NLRP13: variants seen among roughly 807,000 people sequenced by gnomAD.
NLRP13 encodes NLR family pyrin domain containing 13, also known as NACHT, LRR and PYD domains-containing protein 13.
Under a neutral mutation model 94.4 loss-of-function variants are expected in NLRP13, and 82 were observed. The ratio of observed to expected loss-of-function variants is 0.87; its 90% CI spans 0.73 to 1.04. The LOEUF (loss-of-function observed/expected upper bound fraction) is 1.04. Ranked by LOEUF, NLRP13 falls within the 50% of genes least tolerant of loss-of-function variation. The probability of loss-of-function intolerance (pLI) is 0.00; values close to 1 mark genes in which losing one functional copy is unlikely to be tolerated. For missense variants in NLRP13, 1,426 were observed against 1,230.8 expected (o/e 1.16, Z -2.37); for synonymous variants, 553 against 464.7 (o/e 1.19, Z -2.45).
chr19:55,899,704 C>T (rs1006085030), intron 9 of NLRP13, among the ~76,000 whole-genome samples: 10 of 152,014 alleles, frequency 6.6e-5, no homozygotes, highest in East Asian at 1.9e-4. Flanking sequence ...AGCTTAAACC[C>T]GGGAGGTGGA....
chr19:55,912,781 G>A lies in NLRP13; in HGVS notation c.1036C>T (p.His346Tyr). ...ACCAATTCTTTCTTCAACAAGCTGT[G>A]TAGGATTTTGGTCACTGGGAGCTCC... ...YQELPVTKIL[H>Y]SLLKKELVPL... is the part of the protein sequence containing the mutation. The change falls in exon 5 of 11, where the codon CAC (histidine) becomes TAC (tyrosine). Residue 346 changes from histidine (H) to tyrosine (Y), a missense_variant. By Grantham distance (83) the His-to-Tyr change is moderately conservative. Transcript: ENST00000342929. The A allele has an allele frequency of 6.2e-7, 1 of 1,614,172 alleles. No individual in the cohort carries two copies. Among genetic ancestry groups the A allele is most frequent in the Non-Finnish European group, 8.5e-7 (1 of 1,180,034 alleles).
chr19:55,919,671 C>T lies in NLRP13; in HGVS notation c.523+4243G>A, dbSNP rs182663558. On this transcript the variant is annotated intron_variant, in intron 4 of 10. Transcript: ENST00000342929. ...CAACCAAAGAGGTGAAAGATCTCCA[C>T]AAGGAAAACTACAAAAAGCTTAAGA... 2.2e-3 allele frequency among the ~76,000 whole-genome samples: 336 copies of T among 151,742 alleles called. 2 individuals carry two copies. Among genetic ancestry groups the T allele is most frequent in the African/African-American group, 7.4e-3 (307 of 41,446 alleles).
intron 6 of NLRP13, 127 bp downstream of exon 6, chr19:55,910,436 C>G: frequency 1.2e-6 from 1 of 855,958 alleles, no homozygotes; most frequent in Non-Finnish European, 1.7e-6. Flanking sequence ...AATACAAGCA[C>G]AGTTTATTTT....
intron 8 of NLRP13, among the ~76,000 whole-genome samples, chr19:55,902,560 C>G (rs183211635): frequency 6.6e-6 from 1 of 152,112 alleles, no homozygotes; most frequent in East Asian, 1.9e-4. Context: ...AACAAGCTCC[C>G]GCACTCCTTT....
downstream of NLRP13, among the ~76,000 whole-genome samples, chr19:55,894,043 C>T (rs886252022): frequency 2.7e-5 from 3 of 112,928 alleles, no homozygotes; most frequent in African/African-American, 7.1e-5. Flanking sequence ...CATGCCCCAA[C>T]TTTTTTTTTT....
At chr19:55,897,131 G>T (rs1386006665) in intron 10 of NLRP13, among the ~76,000 whole-genome samples, 1 of 151,952 alleles carries the variant, frequency 6.6e-6, no homozygotes, top group East Asian at 1.9e-4. Context: ...TTGAACATAG[G>T]GTTGGCTAGC....
chr19:55,932,087 G>A lies in NLRP13; in HGVS notation c.225C>T (p.His75=), dbSNP rs1181672450. The A allele has an allele frequency of 6.2e-7, 1 of 1,614,186 alleles. No individual in the cohort carries two copies. The highest frequency in any genetic ancestry group is 1.7e-5 in the Admixed American group (1 of 60,028). The part of the protein sequence containing the change: ...PLNLSFLLDE[H]FPKGQAWKVV... ...CTTTCCATGCCTGACCTTTTGGGAA[G>A]TGTTCATCCAAAAGAAAGGACAGAT... Residue 75 remains histidine (H), a synonymous_variant, in exon 1 of 11, where the codon CAC becomes CAT. Coordinates refer to ENST00000342929, the MANE Select transcript of NLRP13 (RefSeq NM_176810.2).
At chr19:55,907,742 C>A in intron 7 of NLRP13, 50 bp downstream of exon 7, 1 of 1,583,736 alleles carries the variant, frequency 6.3e-7, no homozygotes, top group South Asian at 1.1e-5. Context: ...GTGGAAGCTA[C>A]TGGTGGTCTT....
chr19:55,899,976 A>C (rs1430531973), intron 9 of NLRP13, among the ~76,000 whole-genome samples: 1 of 147,660 alleles, frequency 6.8e-6, no homozygotes, highest in African/African-American at 2.5e-5. Flanking sequence ...TTTGAGATCT[A>C]TTCCATGGCA....
Position 55,904,957 on chromosome 19 carries a change from G to A in NLRP13, c.2603C>T (p.Ala868Val). ...GAAAACTTACTCCAGTCTCTCTAAG[G>A]CACACTTGGGGTGAGTCAGGGCCGC... ...LCAALTHPKC[A>V]LERLELWFCQ... Residue 868 changes from alanine to valine, a missense_variant, in exon 8 of 11, where the codon GCC becomes GTC. Transcript: ENST00000342929. 2 of 1,613,412 alleles carry A rather than the reference G, an allele frequency of 1.2e-6. No homozygotes were observed. Among genetic ancestry groups the A allele is most frequent in the Non-Finnish European group, 1.7e-6 (2 of 1,179,560 alleles).
In NLRP13 at chr19:55,907,900, C is replaced by T. The variant is rs1323313325; in HGVS notation, c.2339G>A (p.Gly780Asp). 6.2e-7 allele frequency: 1 copy of T among 1,613,414 alleles called. No homozygotes were observed. The highest frequency in any genetic ancestry group is 8.5e-7 in the Non-Finnish European group (1 of 1,179,644). Residue 780 changes from glycine (G) to aspartate (D), a missense_variant, in exon 7 of 11, where the codon GGT becomes GAT. Physicochemically the swap from Gly to Asp is moderately conservative, Grantham distance 94 (BLOSUM62 -1). Transcript: ENST00000342929. Reference protein sequence around the residue: ...VLQDLIIALQGNSKLTHLNFS... With the variant: ...VLQDLIIALQDNSKLTHLNFS... ...GTTCAGATGGGTCAGCTTGCTGTTACCCTGAAGGGCAATAATGAGGTCCTG... is the reference window on the plus strand; with the variant it reads ...GTTCAGATGGGTCAGCTTGCTGTTATCCTGAAGGGCAATAATGAGGTCCTG...
At position 55,907,963 on chromosome 19, in the gene NLRP13, A is replaced by C; in HGVS notation, c.2283-7T>G. The stretch of plus-strand genomic sequence containing the variant: ...AGGAGTTACCGATTTGCACCTGAGG[A>C]AGGGAAGGGACATGAAAGCTGGATT... On this transcript the variant is annotated splice_polypyrimidine_tract_variant and splice_region_variant and intron_variant, in intron 6 of 10. Transcript: ENST00000342929. 6.3e-7 allele frequency: 1 copy of C among 1,590,808 alleles called. No homozygotes were observed. Among genetic ancestry groups the C allele is most frequent in the Non-Finnish European group, 8.6e-7 (1 of 1,165,372 alleles).
chr19:55,902,736 T>C (rs1418456493), intron 8 of NLRP13, among the ~76,000 whole-genome samples: 2 of 152,092 alleles, frequency 1.3e-5, no homozygotes, highest in East Asian at 1.9e-4. Context: ...ATATTAGATA[T>C]GCATGTATTG....
intron 10 of NLRP13, among the ~76,000 whole-genome samples, chr19:55,897,245 G>A (rs929786178): frequency 3.3e-4 from 51 of 152,270 alleles, no homozygotes; most frequent in Middle Eastern, 3.4e-3. Flanking sequence ...CTGGCCAGGC[G>A]CAGTGGCTCA....
intron 4 of NLRP13, among the ~76,000 whole-genome samples, chr19:55,916,843 A>G (rs1470152560): frequency 6.6e-6 from 1 of 152,056 alleles, no homozygotes; most frequent in African/African-American, 2.4e-5. Flanking sequence ...AGATCCAGGC[A>G]TCCAAATATA....
chr19:55,914,631 C>T (rs1265816442), intron 4 of NLRP13, among the ~76,000 whole-genome samples: 2 of 152,140 alleles, frequency 1.3e-5, no homozygotes, highest in African/African-American at 2.4e-5. Context: ...TCTTAGATCC[C>T]ATATATTAGT....
At chr19:55,910,812 G>T in intron 5 of NLRP13, 79 bp from the exon 6 acceptor site, 3 of 1,168,542 alleles carry the variant, frequency 2.6e-6, no homozygotes, top group Non-Finnish European at 1.2e-6. Flanking sequence ...ACGGGACACA[G>T]AAAGAAACCC....
rs761852882 is a variant in NLRP13 at position 55,912,949 on chromosome 19, G to C, written c.868C>G (p.Pro290Ala). 1 of 1,613,978 alleles carries C rather than the reference G, an allele frequency of 6.2e-7. No individual in the cohort carries two copies. The highest frequency in any genetic ancestry group is 8.5e-7 in the Non-Finnish European group (1 of 1,179,888). Residue 290 changes from proline to alanine, a missense_variant, in exon 5 of 11, where the codon CCC becomes GCC. Pro to Ala is a conservative substitution (Grantham distance 27). Coordinates refer to ENST00000342929, the MANE Select transcript of NLRP13 (RefSeq NM_176810.2). ...TCTTCAATGGGGGCATCAAAATCGGGCCAATCCAAAGAAATCAATTCAGCA... is the reference window on the plus strand; with the variant it reads ...TCTTCAATGGGGGCATCAAAATCGGCCCAATCCAAAGAAATCAATTCAGCA... ...TFAELISLDW[P>A]DFDAPIEEFM...
Position 55,902,065 on chromosome 19 carries a change from C to T in NLRP13, c.2759G>A (p.Gly920Asp), listed in dbSNP as rs1986196467. 2 of 1,614,052 alleles carry T rather than the reference C, an allele frequency of 1.2e-6. No homozygotes were observed. The highest frequency in any genetic ancestry group is 1.7e-5 in the Admixed American group (1 of 60,000). The change falls in exon 9 of 11, where the codon GGT (glycine) becomes GAT (aspartate). Residue 920 changes from glycine to aspartate, a missense_variant. Gly to Asp is a moderately conservative substitution (Grantham distance 94). Coordinates refer to ENST00000342929, the MANE Select transcript of NLRP13 (RefSeq NM_176810.2). ...EGVKFLCEALGRPDGNLQSLN... is the reference protein window; with the variant it reads ...EGVKFLCEALDRPDGNLQSLN... ...GCTCTGCAGGTTACCATCTGGGCGA[C>T]CCAAGGCCTCACACAGGAACTTGAC...
Sources: allele counts gnomAD v4.1 joint callset (sites outside exome capture counted in the v4.1 genomes callset), GRCh38; gene constraint gnomAD v4.1.1; transcripts MANE v1.5; gene names NCBI Gene and HGNC (gene_info 2026-07-23, HGNC 2026-07-21).